Variants in NATD1 observed in about 807,000 individuals in gnomAD.
NATD1 encodes N-acetyltransferase domain containing 1.
Under a neutral mutation model 12.0 loss-of-function variants are expected in NATD1, and 9 were observed. The ratio of observed to expected loss-of-function variants is 0.75; its 90% CI spans 0.45 to 1.30. The LOEUF (loss-of-function observed/expected upper bound fraction) is 1.30, where lower values mean the gene tolerates loss of function less well. NATD1 is among the 50% of genes most tolerant of loss of function. NATD1 has a pLI of 0.00. For synonymous variants in NATD1, 71 were observed against 65.9 expected (o/e 1.08, Z -0.37); for missense variants, 148 against 148.5 (o/e 1.00, Z 0.02).
In NATD1 at chr17:21,240,425, T is replaced by C. The variant is rs549615114; in HGVS notation, c.*2888A>G. The C allele has an allele frequency of 6.6e-6, 1 of 152,564 alleles. No individual in the cohort carries two copies. The highest frequency in any genetic ancestry group is 2.4e-5 in the African/African-American group (1 of 41,576). 9.5% of individuals were successfully genotyped at this position (152,564 alleles called of 1,614,324 possible). The stretch of plus-strand genomic sequence containing the variant: ...CAGTTAAGGCTGACCGGCAGGTTGC[T>C]GTGGGGGAAGCGACAGCGTGCAGAC... On this transcript the variant is annotated 3_prime_UTR_variant, in exon 3 of 3. Coordinates refer to ENST00000611551, the MANE Select transcript of NATD1 (RefSeq NM_152914.3).
rs1190326422 is a variant in NATD1, at chr17:21,242,140, G to C, written c.*1173C>G. On this transcript the variant is annotated 3_prime_UTR_variant, in exon 3 of 3. Coordinates refer to ENST00000611551, the MANE Select transcript of NATD1 (RefSeq NM_152914.3). ...TCCAGCTCTACAGAAGGGCAGGGAC[G>C]AATCTGATCCTTGTTAGCACTGACA... The C allele has an allele frequency of 2.0e-5, 3 of 152,312 alleles. No homozygotes were observed. Among genetic ancestry groups the C allele is most frequent in the Admixed American group, 6.5e-5 (1 of 15,292 alleles). 9.4% of individuals were successfully genotyped at this position (152,312 alleles called of 1,614,324 possible).
chr17:21,243,169 C>G lies in NATD1; in HGVS notation c.*144G>C, dbSNP rs140349556. The G allele has an allele frequency of 9.9e-3, 6,355 of 640,486 alleles. 58 individuals are homozygous for G. Among genetic ancestry groups the G allele is most frequent in the South Asian group, 0.033 (1,653 of 50,792 alleles). The allele number at this position is 640,486 out of a possible 1,614,324, so 39.7% of individuals were successfully genotyped here. ...TCATTGGTCAGCTGCCTCCAGGGAT[C>G]TGGACGTGGGGCACAGATGAGTGTC... On this transcript the variant is annotated 3_prime_UTR_variant, in exon 3 of 3. Transcript: ENST00000611551.
chr17:21,240,254 T>C lies in NATD1; in HGVS notation c.*3059A>G, dbSNP rs1001533574. 6.6e-6 allele frequency: 1 copy of C among 152,240 alleles called. No individual in the cohort carries two copies. Among genetic ancestry groups the C allele is most frequent in the African/African-American group, 2.4e-5 (1 of 41,438 alleles). 9.4% of individuals were successfully genotyped at this position (152,240 alleles called of 1,614,324 possible). ...GGGGTCTGGGTTCCTGAAGTCACTG[T>C]TATCCTGCAGGGAGACCTCAGCCAA... On this transcript the variant is annotated 3_prime_UTR_variant, in exon 3 of 3. Transcript: ENST00000611551.
chr17:21,238,892 CTT>C lies in NATD1; in HGVS notation c.*4419_*4420del, dbSNP rs1975236588. 6.6e-6 allele frequency: 1 copy of C among 152,058 alleles called. No individual in the cohort carries two copies. Among genetic ancestry groups the C allele is most frequent in the African/African-American group, 2.4e-5 (1 of 41,414 alleles). 9.4% of individuals were successfully genotyped at this position (152,058 alleles called of 1,614,324 possible). A position where few individuals can be genotyped will look rare whatever the true frequency, so the allele number is the denominator to read the frequency against. ...ATCTTTGATAACCAGAAAAGAATCT[CTT>C]TAATATCTTGTAGCCGTAAGACTGA... On this transcript the variant is annotated 3_prime_UTR_variant, in exon 3 of 3. Coordinates refer to ENST00000611551, the MANE Select transcript of NATD1 (RefSeq NM_152914.3).
At chr17:21,248,704 TG>T (rs1421545123) in intron 1 of NATD1, among the ~76,000 whole-genome samples, 16 of 152,114 alleles carry the variant, frequency 1.1e-4, no homozygotes, top group Admixed American at 9.2e-4. Flanking sequence ...GGCCCTTATC[TG>T]GGCAGCTCTA....
Position 21,244,552 on chromosome 17 carries a change from C to T in NATD1, c.107-328G>A, listed in dbSNP as rs1172482472. Among the ~76,000 whole-genome samples the T allele has an allele frequency of 6.6e-6, 1 of 152,190 alleles. No homozygotes were observed. Among genetic ancestry groups the T allele is most frequent in the African/African-American group, 2.4e-5 (1 of 41,434 alleles). On this transcript the variant is annotated intron_variant, in intron 1 of 2. Transcript: ENST00000611551. The surrounding 1 kb of genome is among the most constrained non-coding windows in gnomAD (Gnocchi z 5.2). Reference sequence around the variant, plus strand: ...CCCCTTTCTGTAGCCCTGCTCCCTGCATCCCCACCCCACCACATCCCTGGA... The same window carrying T: ...CCCCTTTCTGTAGCCCTGCTCCCTGTATCCCCACCCCACCACATCCCTGGA...
chr17:21,250,821 A>G (rs1198380783), intron 1 of NATD1, among the ~76,000 whole-genome samples: 1 of 152,142 alleles, frequency 6.6e-6, no homozygotes, highest in Non-Finnish European at 1.5e-5. Context: ...TAGCTGTGCT[A>G]TGTGGACAGC....
In NATD1 at chr17:21,240,301, T is replaced by G. The variant is rs899749923; in HGVS notation, c.*3012A>C. On this transcript the variant is annotated 3_prime_UTR_variant, in exon 3 of 3. Coordinates refer to ENST00000611551, the MANE Select transcript of NATD1 (RefSeq NM_152914.3). ...CCAAGCCCCAGTGACACGCAGGGTC[T>G]CGCTCTCCACGCTGAAGGCTGTGCT... The G allele has an allele frequency of 3.3e-5, 5 of 152,248 alleles. No homozygotes were observed. The highest frequency in any genetic ancestry group is 3.3e-4 in the Admixed American group (5 of 15,286). The allele number at this position is 152,248 out of a possible 1,614,324, so 9.4% of individuals were successfully genotyped here.
rs1008007157 is a variant in NATD1, at chr17:21,243,240, T to C, written c.*73A>G. On this transcript the variant is annotated 3_prime_UTR_variant, in exon 3 of 3. Coordinates refer to ENST00000611551, the MANE Select transcript of NATD1 (RefSeq NM_152914.3). ...TCTGTTCCCAGTGGGACCAGGTTCC[T>C]GAGAGCACGTGGGGCCAGGCAAAGG... is the stretch of plus-strand genomic sequence containing the variant. 5 of 1,221,672 alleles carry C rather than the reference T, an allele frequency of 4.1e-6. No homozygotes were observed. Among genetic ancestry groups the C allele is most frequent in the Non-Finnish European group, 5.8e-6 (5 of 854,992 alleles). 75.7% of individuals were successfully genotyped at this position (1,221,672 alleles called of 1,614,324 possible).
intron 1 of NATD1, among the ~76,000 whole-genome samples, chr17:21,250,681 G>T (rs1214722967): frequency 6.6e-6 from 1 of 152,162 alleles, no homozygotes; most frequent in Admixed American, 6.5e-5. Flanking sequence ...TCTCCCTGTG[G>T]TGTGTGGCTA....
Position 21,253,328 on chromosome 17 carries a change from G to T in NATD1, c.-64C>A. Reference sequence around the variant, plus strand: ...GGGCGCGCGGGGAAAGGTCAGGCGCGCGGCGGGGCTGGAGCGCGGGCGCAG... The same window carrying T: ...GGGCGCGCGGGGAAAGGTCAGGCGCTCGGCGGGGCTGGAGCGCGGGCGCAG... On this transcript the variant is annotated 5_prime_UTR_variant, in exon 1 of 3. Transcript: ENST00000611551. The T allele has an allele frequency of 1.4e-6, 1 of 732,230 alleles. No individual in the cohort carries two copies. Among genetic ancestry groups the T allele is most frequent in the Non-Finnish European group, 1.7e-6 (1 of 599,534 alleles). The allele number at this position is 732,230 out of a possible 1,614,324, so 45.4% of individuals were successfully genotyped here. A position where few individuals can be genotyped will look rare whatever the true frequency, so the allele number is the denominator to read the frequency against.
Position 21,239,912 on chromosome 17 carries a change from G to A in NATD1, c.*3401C>T, listed in dbSNP as rs1379317779. ...GTCCCCTCCCTCAGTAGCTGGGGCG[G>A]AATGAGATATGGCCCTGGGCCTGGT... On this transcript the variant is annotated 3_prime_UTR_variant, in exon 3 of 3. Transcript: ENST00000611551. The A allele has an allele frequency of 6.6e-6, 1 of 152,284 alleles. No homozygotes were observed. The highest frequency in any genetic ancestry group is 1.5e-5 in the Non-Finnish European group (1 of 68,076). The allele number at this position is 152,284 out of a possible 1,614,324, so 9.4% of individuals were successfully genotyped here.
intron 1 of NATD1, 49 bp downstream of exon 1, chr17:21,253,110 C>A (rs1456236007): frequency 3.4e-5 from 32 of 952,138 alleles, no homozygotes; most frequent in Non-Finnish European, 4.0e-5. Flanking sequence ...CCCCGGCGGG[C>A]CCCGCTCGCT....
chr17:21,238,996 G>A lies in NATD1; in HGVS notation c.*4317C>T, dbSNP rs189954621. On this transcript the variant is annotated 3_prime_UTR_variant, in exon 3 of 3. Transcript: ENST00000611551. ...ACAAGTTGAAGTCACAGCCTTGCCGGAACTCTTATGTAAAGTTTAGGGCAT... is the reference window on the plus strand; with the variant it reads ...ACAAGTTGAAGTCACAGCCTTGCCGAAACTCTTATGTAAAGTTTAGGGCAT... 1.1e-3 allele frequency: 174 copies of A among 152,314 alleles called. No individual in the cohort carries two copies. The highest frequency in any genetic ancestry group is 4.0e-3 in the African/African-American group (167 of 41,554). The allele number at this position is 152,314 out of a possible 1,614,324, so 9.4% of individuals were successfully genotyped here. A position where few individuals can be genotyped will look rare whatever the true frequency, so the allele number is the denominator to read the frequency against.
Position 21,240,251 on chromosome 17 carries a change from C to T in NATD1, c.*3062G>A, listed in dbSNP as rs1165584424. 1 of 152,284 alleles carries T rather than the reference C, an allele frequency of 6.6e-6. No homozygotes were observed. Among genetic ancestry groups the T allele is most frequent in the African/African-American group, 2.4e-5 (1 of 41,448 alleles). The allele number at this position is 152,284 out of a possible 1,614,324, so 9.4% of individuals were successfully genotyped here. A position where few individuals can be genotyped will look rare whatever the true frequency, so the allele number is the denominator to read the frequency against. ...ACTGGGGTCTGGGTTCCTGAAGTCA[C>T]TGTTATCCTGCAGGGAGACCTCAGC... is the stretch of plus-strand genomic sequence containing the variant. On this transcript the variant is annotated 3_prime_UTR_variant, in exon 3 of 3. Coordinates refer to ENST00000611551, the MANE Select transcript of NATD1 (RefSeq NM_152914.3).
At chr17:21,252,508 A>C (rs772705262) in intron 1 of NATD1, among the ~76,000 whole-genome samples, 11 of 152,154 alleles carry the variant, frequency 7.2e-5, no homozygotes, top group Non-Finnish European at 1.6e-4. Flanking sequence ...GAGAGGGAGA[A>C]ACTAAGGCAC....
intron 1 of NATD1, among the ~76,000 whole-genome samples, chr17:21,246,571 C>T (rs1024545332): frequency 9.2e-5 from 14 of 151,880 alleles, no homozygotes; most frequent in Middle Eastern, 3.2e-3. Context: ...CCTATGGTCC[C>T]GGCTATTTGG....
intron 1 of NATD1, among the ~76,000 whole-genome samples, chr17:21,248,459 T>G (rs1037790787): frequency 6.6e-6 from 1 of 152,174 alleles, no homozygotes; most frequent in Admixed American, 6.5e-5. Flanking sequence ...CCTGCCTTGG[T>G]GGCTGCTCCC....
chr17:21,246,292 T>A (rs989746404), intron 1 of NATD1, among the ~76,000 whole-genome samples: 9 of 152,148 alleles, frequency 5.9e-5, no homozygotes, highest in African/African-American at 2.2e-4. Flanking sequence ...GGTGGGTGGA[T>A]CACCTGAGTT....
Sources: gnomAD v4.1 joint callset for allele counts (sites outside exome capture counted in the v4.1 genomes callset) on GRCh38, gnomAD v4.1.1 for gene constraint, Gnocchi (gnomAD v3.1) non-coding constraint, MANE v1.5 for transcripts, NCBI Gene and HGNC (gene_info 2026-07-23, HGNC 2026-07-21) for gene names.